The following ARHGAP8 variants were observed in gnomAD, a reference collection of about 807,000 sequenced individuals.
ARHGAP8 encodes rho GTPase-activating protein 8.
ARHGAP8 carries 62 observed loss-of-function variants against 46.1 expected under a neutral mutation model. The observed-to-expected ratio is 1.34, with a 90% confidence interval of 1.10 to 1.66. The LOEUF is 1.66. Ranked by LOEUF, ARHGAP8 falls within the 40% of genes most tolerant of loss-of-function variation. ARHGAP8 has a pLI of 0.00. For missense variants in ARHGAP8, 923 were observed against 568.4 expected, an observed-to-expected ratio of 1.62 and a Z score of -6.34; for synonymous variants, 375 against 243.1, an observed-to-expected ratio of 1.54 and a Z score of -5.05.
chr22:44,858,199 G>C (rs139569271), intron 10 of ARHGAP8, among the ~76,000 whole-genome samples: 1 of 152,154 alleles, frequency 6.6e-6, no homozygotes, highest in Non-Finnish European at 1.5e-5. Flanking sequence ...TAGAGCACCC[G>C]GTGGTCACCA....
intron 3 of ARHGAP8, among the ~76,000 whole-genome samples, chr22:44,803,746 C>T (rs1928739259): frequency 8.1e-6 from 1 of 123,434 alleles, no homozygotes; most frequent in Non-Finnish European, 1.7e-5. Context: ...CCCACCCTCT[C>T]CCATGCACAC....
At chr22:44,813,677 C>A (rs958283060) in intron 4 of ARHGAP8, among the ~76,000 whole-genome samples, 8 of 149,480 alleles carry the variant, frequency 5.4e-5, no homozygotes, top group African/African-American at 2.0e-4. Context: ...ACCTACACAC[C>A]CCTAGGTATA....
chr22:44,757,805 ATT>A (rs132444), intron 1 of ARHGAP8, among the ~76,000 whole-genome samples: 1,625 of 136,996 alleles, frequency 0.012, 12 homozygotes, highest in African/African-American at 0.016. Context: ...TGCCTGGCTA[ATT>A]TTTTTTTTTT....
chr22:44,790,170 G>A (rs1473486414), intron 2 of ARHGAP8, among the ~76,000 whole-genome samples: 3 of 152,140 alleles, frequency 2.0e-5, no homozygotes, highest in African/African-American at 4.8e-5. Context: ...AATGATGACG[G>A]CAGCTACTGG....
At chr22:44,781,109 G>A (rs995436846) in intron 1 of ARHGAP8, among the ~76,000 whole-genome samples, 1 of 152,098 alleles carries the variant, frequency 6.6e-6, no homozygotes, top group African/African-American at 2.4e-5. Flanking sequence ...TTCTCTTCTG[G>A]GTTTGAAATA....
At chr22:44,762,602 G>A (rs1025732605) in intron 1 of ARHGAP8, among the ~76,000 whole-genome samples, 1 of 148,606 alleles carries the variant, frequency 6.7e-6, no homozygotes, top group Non-Finnish European at 1.5e-5. Flanking sequence ...GCAGTGCAGT[G>A]GCACAGTCTC....
chr22:44,848,150 C>T (rs2070006343), intron 9 of ARHGAP8, 100 bp downstream of exon 9: 8 of 1,485,202 alleles, frequency 5.4e-6, no homozygotes, highest in Middle Eastern at 1.8e-4. Context: ...CCCCCGCAAC[C>T]CACCCAACTC....
At chr22:44,860,827 C>A (rs901084426) in intron 11 of ARHGAP8, among the ~76,000 whole-genome samples, 1 of 152,196 alleles carries the variant, frequency 6.6e-6, no homozygotes, top group African/African-American at 2.4e-5. Context: ...GAATGTTTAA[C>A]CCCCTCCATC....
intron 3 of ARHGAP8, among the ~76,000 whole-genome samples, chr22:44,806,373 G>C (rs1357701082): frequency 6.6e-6 from 1 of 152,204 alleles, no homozygotes; most frequent in Non-Finnish European, 1.5e-5. Flanking sequence ...GAGGTCAGAT[G>C]TGCGTGATTT....
chr22:44,860,294 C>T (rs1055736203), intron 11 of ARHGAP8, among the ~76,000 whole-genome samples: 7 of 152,148 alleles, frequency 4.6e-5, no homozygotes, highest in African/African-American at 1.7e-4. Context: ...TACTGTGTCA[C>T]TCTTCTAGAG....
chr22:44,762,529 AACTC>A (rs1425685286), intron 1 of ARHGAP8, among the ~76,000 whole-genome samples: 7 of 143,714 alleles, frequency 4.9e-5, no homozygotes, highest in East Asian at 2.1e-4. Flanking sequence ...ACTCATTATG[AACTC>A]TCTCTCTCTC....
intron 6 of ARHGAP8, 47 bp from the exon 7 acceptor site, chr22:44,825,436 C>G: frequency 6.4e-7 from 1 of 1,573,978 alleles, no homozygotes. Flanking sequence ...TCCGTGGCTG[C>G]CAGCTGCCCC....
intron 4 of ARHGAP8, 31 bp downstream of exon 4, chr22:44,808,469 G>A: frequency 6.2e-7 from 1 of 1,611,070 alleles, no homozygotes; most frequent in Non-Finnish European, 8.5e-7. Context: ...AGGGACGTGG[G>A]TGTGGGCTGC....
chr22:44,845,172 G>A, intron 7 of ARHGAP8, 97 bp from the exon 8 acceptor site: 1 of 1,490,876 alleles, frequency 6.7e-7, no homozygotes, highest in Non-Finnish European at 9.1e-7. Context: ...TGGGTCCTGT[G>A]TTTTCACAGG....
intron 3 of ARHGAP8, among the ~76,000 whole-genome samples, chr22:44,803,986 C>T (rs557109678): frequency 1.3e-5 from 2 of 150,596 alleles, no homozygotes; most frequent in African/African-American, 4.9e-5. Context: ...GACCCACCTG[C>T]AGGACTGAGC....
chr22:44,800,772 AGCTGTCCGTGTGTGGGGGCCG>A, intron 2 of ARHGAP8, among the ~76,000 whole-genome samples: 2 of 6,554 alleles, frequency 3.1e-4, no homozygotes, highest in African/African-American at 1.6e-3. Context: ...CTCTCCCCGC[AGCTGTCCGTGTGTGGGGGCCG>A]CCTCTCCCCG....
chr22:44,752,627 G>A lies in ARHGAP8; in HGVS notation c.-72G>A, dbSNP rs893464306. On this transcript the variant is annotated splice_region_variant and 5_prime_UTR_variant, in exon 1 of 12. Coordinates refer to ENST00000356099, the MANE Select transcript of ARHGAP8 (RefSeq NM_181335.3). Reference sequence around the variant, plus strand: ...TGGGGGCCGGCGGGGTCCGTGGCCAGGTAAGGCGGGCGGCGGCGGGAGGGA... The same window carrying A: ...TGGGGGCCGGCGGGGTCCGTGGCCAAGTAAGGCGGGCGGCGGCGGGAGGGA... The A allele has an allele frequency of 6.6e-6, 1 of 151,772 alleles. No homozygotes were observed. Among genetic ancestry groups the A allele is most frequent in the Non-Finnish European group, 1.5e-5 (1 of 68,046 alleles). 9.4% of individuals were successfully genotyped at this position (151,772 alleles called of 1,614,324 possible). A position where few individuals can be genotyped will look rare whatever the true frequency, so the allele number is the denominator to read the frequency against.
Position 44,862,743 on chromosome 22 carries a change from CTCTT to C in ARHGAP8, c.*149_*152del. On this transcript the variant is annotated 3_prime_UTR_variant, in exon 12 of 12. Coordinates refer to ENST00000356099, the MANE Select transcript of ARHGAP8 (RefSeq NM_181335.3). The stretch of plus-strand genomic sequence containing the variant: ...AAACTCCATGCCTCTGGTCCTTGGA[CTCTT>C]GTCCATGGTTCCTGAGCTGTGGACC... 1.0e-6 allele frequency: 1 copy of C among 976,096 alleles called. No homozygotes were observed. The highest frequency in any genetic ancestry group is 1.4e-6 in the Non-Finnish European group (1 of 694,422). The allele number at this position is 976,096 out of a possible 1,614,324, so 60.5% of individuals were successfully genotyped here.
intron 3 of ARHGAP8, among the ~76,000 whole-genome samples, chr22:44,804,746 T>A (rs1602201244): frequency 6.6e-6 from 1 of 152,104 alleles, no homozygotes; most frequent in African/African-American, 2.4e-5. Flanking sequence ...TGATCGGACA[T>A]AGAAGCACCC....
Sources: gnomAD v4.1 joint callset for allele counts (sites outside exome capture counted in the v4.1 genomes callset) on GRCh38, gnomAD v4.1.1 for gene constraint, MANE v1.5 for transcripts, NCBI Gene and HGNC (gene_info 2026-07-23, HGNC 2026-07-21) for gene names.